Variants in LRFN2 observed in about 807,000 individuals in gnomAD.
LRFN2 encodes the protein leucine rich repeat and fibronectin type III domain containing 2, also known as leucine-rich repeat and fibronectin type-III domain-containing protein 2.
A neutral mutation model predicts 37.3 loss-of-function variants in LRFN2; 18 were observed. That is an observed-to-expected ratio of 0.48 (90% CI 0.33 to 0.72). The LOEUF (loss-of-function observed/expected upper bound fraction) is 0.72. Ranked by LOEUF, LRFN2 falls within the 30% of genes least tolerant of loss-of-function variation. The probability of loss-of-function intolerance (pLI) is 0.02; values close to 1 mark genes in which losing one functional copy is unlikely to be tolerated. For synonymous variants in LRFN2, 556 were observed against 466.6 expected (o/e 1.19, Z -2.47); for missense variants, 1,006 against 1,060.7 (o/e 0.95, Z 0.72).
chr6:40,546,157 G>A (rs1415578598), intron 1 of LRFN2, among the ~76,000 whole-genome samples: 1 of 152,102 alleles, frequency 6.6e-6, no homozygotes, highest in Non-Finnish European at 1.5e-5. Flanking sequence ...GAGGTAAAGG[G>A]AATTTGCATG....
At chr6:40,474,262 C>A (rs939649775) in intron 1 of LRFN2, among the ~76,000 whole-genome samples, 4 of 152,130 alleles carry the variant, frequency 2.6e-5, no homozygotes, top group African/African-American at 9.7e-5. Flanking sequence ...GTCAGCAGGC[C>A]CATATTCTTT....
rs375265053 is a variant in LRFN2, at chr6:40,479,638, C to T, written c.-18-46507G>A. 3.3e-5 allele frequency among the ~76,000 whole-genome samples: 5 copies of T among 152,160 alleles called. No homozygotes were observed. In the South Asian group the frequency reaches 6.2e-4, roughly 19 times the overall value. ...TCCTGAGTGGGTTTTGCTAAAACAA[C>T]GTGAAGGAAGATCCTCAATTTCTAG... On this transcript the variant is annotated intron_variant, in intron 1 of 2. Coordinates refer to ENST00000338305, the MANE Select transcript of LRFN2 (RefSeq NM_020737.3).
At chr6:40,512,043 C>T (rs1359121052) in intron 1 of LRFN2, among the ~76,000 whole-genome samples, 2 of 152,234 alleles carry the variant, frequency 1.3e-5, no homozygotes, top group Non-Finnish European at 2.9e-5. Flanking sequence ...ACTCCTGAGG[C>T]TGAAAGCCAG....
At position 40,391,943 on chromosome 6, in the gene LRFN2, C is replaced by G; in HGVS notation, c.2370G>C (p.Ter790TyrextTer30). The G allele has an allele frequency of 6.4e-7, 1 of 1,557,392 alleles. No homozygotes were observed. The highest frequency in any genetic ancestry group is 8.7e-7 in the Non-Finnish European group (1 of 1,149,330). The change falls in exon 3 of 3, where the codon TAG (stop) becomes TAC (tyrosine). Residue 790 changes from the stop codon to tyrosine, a stop_lost. Coordinates refer to ENST00000338305, the MANE Select transcript of LRFN2 (RefSeq NM_020737.3). Reference sequence around the variant, plus strand: ...GGAAAGGGAGCATGCCCACCCCCACCTAGACCGTGCTCTCCATCACCCATT... The same window carrying G: ...GGAAAGGGAGCATGCCCACCCCCACGTAGACCGTGCTCTCCATCACCCATT... ...SSEWVMESTV[*>Y] is the part of the protein sequence containing the mutation.
chr6:40,436,827 C>A (rs926925983), intron 1 of LRFN2, among the ~76,000 whole-genome samples: 1 of 152,184 alleles, frequency 6.6e-6, no homozygotes, highest in African/African-American at 2.4e-5. Context: ...TTTCTAGCTA[C>A]ACCTCCCTGT....
At chr6:40,465,406 A>G (rs914647121) in intron 1 of LRFN2, among the ~76,000 whole-genome samples, 2 of 152,192 alleles carry the variant, frequency 1.3e-5, no homozygotes, top group South Asian at 4.1e-4. Flanking sequence ...TCCAGGAAAC[A>G]TGAGTCTCAG....
intron 1 of LRFN2, among the ~76,000 whole-genome samples, chr6:40,461,738 T>C (rs374963798): frequency 1.2e-4 from 19 of 152,120 alleles, no homozygotes; most frequent in African/African-American, 4.6e-4. Flanking sequence ...TTACCAGGTC[T>C]GGGATTGAAA....
chr6:40,508,029 C>A (rs1388029314), intron 1 of LRFN2, among the ~76,000 whole-genome samples: 1 of 152,174 alleles, frequency 6.6e-6, no homozygotes, highest in Admixed American at 6.5e-5. Context: ...TGCAGCACAG[C>A]ACAGAGTTAA....
intron 1 of LRFN2, among the ~76,000 whole-genome samples, chr6:40,548,237 C>T (rs545102594): frequency 5.3e-4 from 81 of 152,204 alleles, no homozygotes; most frequent in African/African-American, 1.9e-3. Context: ...GTCAGGAGTT[C>T]GAGACCAGCC....
chr6:40,540,011 G>A (rs2113915371), intron 1 of LRFN2, among the ~76,000 whole-genome samples: 1 of 152,288 alleles, frequency 6.6e-6, no homozygotes, highest in Middle Eastern at 3.4e-3. Context: ...TGCCACAGTG[G>A]AAAAGAAGCA....
At chr6:40,463,603 A>C (rs150202591) in intron 1 of LRFN2, among the ~76,000 whole-genome samples, 3 of 151,730 alleles carry the variant, frequency 2.0e-5, no homozygotes, top group Admixed American at 1.3e-4. Flanking sequence ...TTAAGTGAGC[A>C]GTGATACTTA....
chr6:40,443,158 G>T (rs1244313144), intron 1 of LRFN2, among the ~76,000 whole-genome samples: 3 of 152,152 alleles, frequency 2.0e-5, no homozygotes, highest in Admixed American at 2.0e-4. Flanking sequence ...ACGTGGTACC[G>T]GCAAGGTTTG....
chr6:40,469,024 T>C (rs760293891), intron 1 of LRFN2, among the ~76,000 whole-genome samples: 2 of 152,158 alleles, frequency 1.3e-5, no homozygotes, highest in Non-Finnish European at 2.9e-5. Flanking sequence ...AAAAAGGGTA[T>C]TTCCAGATGT....
intron 1 of LRFN2, among the ~76,000 whole-genome samples, chr6:40,484,243 G>C (rs951559891): frequency 6.6e-6 from 1 of 152,188 alleles, no homozygotes; most frequent in Non-Finnish European, 1.5e-5. Context: ...GATGGAGTGT[G>C]GTGCCGATCC....
rs548904907 is a variant in LRFN2 at position 40,572,899 on chromosome 6, G to A, written c.-19+14042C>T. On this transcript the variant is annotated intron_variant, in intron 1 of 2. Transcript: ENST00000338305. Reference sequence around the variant, plus strand: ...TCCTCTACCTGCTGGGGGAAGGATCGGATAATGACAACTACATCAAATAGA... The same window carrying A: ...TCCTCTACCTGCTGGGGGAAGGATCAGATAATGACAACTACATCAAATAGA... Among the ~76,000 whole-genome samples, 5 of 152,232 alleles carry A rather than the reference G, an allele frequency of 3.3e-5. No individual in the cohort carries two copies. The East Asian group carries it at 9.7e-4, about 29-fold the overall frequency.
chr6:40,502,829 G>A (rs1206232413), intron 1 of LRFN2, among the ~76,000 whole-genome samples: 1 of 152,188 alleles, frequency 6.6e-6, no homozygotes, highest in East Asian at 1.9e-4. Context: ...CGAGCGTTGG[G>A]GCAGAAATGA....
chr6:40,465,310 C>A (rs78138512), intron 1 of LRFN2, among the ~76,000 whole-genome samples: 2,163 of 152,182 alleles, frequency 0.014, 52 homozygotes, highest in East Asian at 0.077. Context: ...ACAGAACCGT[C>A]GGATCATATA....
chr6:40,454,272 G>A (rs1004825142), intron 1 of LRFN2, among the ~76,000 whole-genome samples: 3 of 152,130 alleles, frequency 2.0e-5, no homozygotes, highest in African/African-American at 7.2e-5. Flanking sequence ...GGGGAGGGAG[G>A]TGCAAATTAG....
chr6:40,461,585 C>T (rs1245106682), intron 1 of LRFN2, among the ~76,000 whole-genome samples: 7 of 139,882 alleles, frequency 5.0e-5, no homozygotes, highest in Non-Finnish European at 9.6e-5. Flanking sequence ...CCCCTCCCCC[C>T]GACAAAAAAA....
Sources: allele counts gnomAD v4.1 joint callset (sites outside exome capture counted in the v4.1 genomes callset), GRCh38; gene constraint gnomAD v4.1.1; transcripts MANE v1.5; gene names NCBI Gene and HGNC (gene_info 2026-07-23, HGNC 2026-07-21).